The following CORO7 variants were observed in gnomAD, a reference collection of about 807,000 sequenced individuals.
CORO7 encodes coronin 7.
A neutral mutation model predicts 126.6 loss-of-function variants in CORO7; 107 were observed. That is an observed-to-expected ratio of 0.85 (90% CI 0.72 to 0.99). The LOEUF (loss-of-function observed/expected upper bound fraction) is 0.99. CORO7 is among the 50% of genes least tolerant of loss of function. The pLI is 0.00. For synonymous variants in CORO7, 603 were observed against 536.8 expected, an observed-to-expected ratio of 1.12 and a Z score of -1.70; for missense variants, 1,314 against 1,255.8, an observed-to-expected ratio of 1.05 and a Z score of -0.70.
At chr16:4,393,549 T>G (rs2141279035) in intron 7 of CORO7, among the ~76,000 whole-genome samples, 1 of 152,316 alleles carries the variant, frequency 6.6e-6, no homozygotes, top group South Asian at 2.1e-4. Context: ...AGCTGCAATC[T>G]TCCATGTGAC....
chr16:4,375,113 C>T (rs941680208), intron 9 of CORO7, among the ~76,000 whole-genome samples: 8 of 152,194 alleles, frequency 5.3e-5, no homozygotes, highest in Admixed American at 2.0e-4. Flanking sequence ...CTTGTGACTA[C>T]GATGGCACGT....
At position 4,362,120 on chromosome 16, in the gene CORO7, C is replaced by T. The variant is rs766802668; in HGVS notation, c.1443G>A (p.Leu481=). 1 of 1,612,546 alleles carries T rather than the reference C, an allele frequency of 6.2e-7. No individual in the cohort carries two copies. The highest frequency in any genetic ancestry group is 8.5e-7 in the Non-Finnish European group (1 of 1,179,788). The change falls in exon 16 of 28, where the codon CTG becomes CTA. Residue 481 remains leucine (L), a synonymous_variant. Coordinates refer to ENST00000251166, the MANE Select transcript of CORO7 (RefSeq NM_024535.5). The surrounding 1 kb of genome is among the most constrained non-coding windows in gnomAD (Gnocchi z 5.3). Reference sequence around the variant, plus strand: ...GGTTGGTGATGTGGCTGTCTCGGTGCAGGACAGTGCCCTGAGCATGGCGGA... The same window carrying T: ...GGTTGGTGATGTGGCTGTCTCGGTGTAGGACAGTGCCCTGAGCATGGCGGA... The part of the protein sequence containing the change: ...SKFRHAQGTV[L]HRDSHITNLK...
At chr16:4,389,021 A>G (rs1351595803) in intron 7 of CORO7, among the ~76,000 whole-genome samples, 8 of 152,144 alleles carry the variant, frequency 5.3e-5, no homozygotes, top group African/African-American at 2.4e-5. Flanking sequence ...ACACTCTGTC[A>G]ATGCCTCATT....
chr16:4,416,122 G>A (rs2056402464), intron 1 of CORO7, among the ~76,000 whole-genome samples: 1 of 152,116 alleles, frequency 6.6e-6, no homozygotes, highest in African/African-American at 2.4e-5. Flanking sequence ...CTCCCGGCGA[G>A]GCCGACCGGA....
intron 5 of CORO7, among the ~76,000 whole-genome samples, chr16:4,407,199 C>T (rs1323450596): frequency 4.2e-5 from 6 of 143,198 alleles, no homozygotes; most frequent in Admixed American, 2.1e-4. Flanking sequence ...CCACCTACCT[C>T]GGCCTCCCAG....
In CORO7 at chr16:4,388,550, T is replaced by C. The variant is rs750253888; in HGVS notation, c.697A>G (p.Asn233Asp). Residue 233 changes from asparagine (N) to aspartate (D), a missense_variant, in exon 8 of 28, where the codon AAC becomes GAC. Physicochemically the swap from Asn to Asp is conservative, Grantham distance 23. Transcript: ENST00000251166. Reference sequence around the variant, plus strand: ...CTCCAGGAGGAACCCCCTACCTGGTTGAATCCAGTAGACACAAGGTGCTCC... The same window carrying C: ...CTCCAGGAGGAACCCCCTACCTGGTCGAATCCAGTAGACACAAGGTGCTCC... ...TWEHLVSTGF[N>D]QMREREVKLW... The C allele has an allele frequency of 1.2e-5, 20 of 1,612,346 alleles. No individual in the cohort carries two copies. Among genetic ancestry groups the C allele is most frequent in the Non-Finnish European group, 1.7e-5 (20 of 1,179,646 alleles).
At position 4,393,630 on chromosome 16, in the gene CORO7, G is replaced by A. The variant is rs1360783631; in HGVS notation, c.615+1659C>T. 3.3e-5 allele frequency among the ~76,000 whole-genome samples: 5 copies of A among 152,172 alleles called. No homozygotes were observed. In the East Asian group the frequency reaches 9.6e-4, roughly 29 times the overall value. ...CCGGGCTACCACTAGTTTGGTTTGGGCTGGTGGTTTGCCCTTGACCCCGGG... is the reference window on the plus strand; with the variant it reads ...CCGGGCTACCACTAGTTTGGTTTGGACTGGTGGTTTGCCCTTGACCCCGGG... On this transcript the variant is annotated intron_variant, in intron 7 of 27. Coordinates refer to ENST00000251166, the MANE Select transcript of CORO7 (RefSeq NM_024535.5).
intron 6 of CORO7, among the ~76,000 whole-genome samples, chr16:4,403,728 G>A (rs1199022780): frequency 2.0e-5 from 3 of 152,134 alleles, no homozygotes; most frequent in Admixed American, 6.5e-5. Flanking sequence ...AATAGGGCTC[G>A]GACCCCCAGG....
intron 6 of CORO7, among the ~76,000 whole-genome samples, chr16:4,404,795 G>A (rs909513645): frequency 1.3e-5 from 2 of 151,970 alleles, no homozygotes; most frequent in Non-Finnish European, 2.9e-5. Flanking sequence ...CTCCCCGCAG[G>A]CTGCCACGCA....
In CORO7 at chr16:4,412,585, C is replaced by T. The variant is rs1373734443; in HGVS notation, c.158-155G>A. 9 of 727,786 alleles carry T rather than the reference C, an allele frequency of 1.2e-5. No homozygotes were observed. In the Admixed American group the frequency reaches 2.2e-4, roughly 17 times the overall value. The allele number at this position is 727,786 out of a possible 1,614,324, so 45.1% of individuals were successfully genotyped here. On this transcript the variant is annotated intron_variant, in intron 2 of 27. Transcript: ENST00000251166. ...TCATATCCTCTGCACGTAGCAATGG[C>T]CTGTGGGTAGGTTCTGGCCCCATGC...
chr16:4,395,382 G>A, intron 6 of CORO7, 43 bp from the exon 7 acceptor site: 1 of 1,613,144 alleles, frequency 6.2e-7, no homozygotes, highest in East Asian at 2.2e-5. Context: ...ATTAGGGCTG[G>A]AGGGTCCCTG....
intron 9 of CORO7, chr16:4,382,811 T>C (rs1243727993): frequency 6.3e-7 from 1 of 1,594,898 alleles, no homozygotes; most frequent in Non-Finnish European, 8.5e-7. Flanking sequence ...GGAGAGGCCC[T>C]GCCCAGCGGG....
intron 1 of CORO7, among the ~76,000 whole-genome samples, chr16:4,415,132 C>T (rs559657517): frequency 1.3e-5 from 2 of 152,200 alleles, no homozygotes; most frequent in Admixed American, 6.5e-5. Flanking sequence ...CTGGGATTAC[C>T]GTGAGTCATG....
At chr16:4,406,901 A>G (rs931492151) in intron 5 of CORO7, among the ~76,000 whole-genome samples, 8 of 152,132 alleles carry the variant, frequency 5.3e-5, no homozygotes, top group Non-Finnish European at 4.4e-5. Flanking sequence ...GGCCTCCCAA[A>G]GTGCTGGGAT....
At chr16:4,377,503 A>G (rs1177430296) in intron 9 of CORO7, among the ~76,000 whole-genome samples, 1 of 152,080 alleles carries the variant, frequency 6.6e-6, no homozygotes, top group Non-Finnish European at 1.5e-5. Context: ...AAACAGAACA[A>G]CAGAAAACTA....
rs557370085 is a variant in CORO7, at chr16:4,357,583, C to T, written c.2594-324G>A. On this transcript the variant is annotated intron_variant, in intron 25 of 27. Transcript: ENST00000251166. ...GTTGGCCAGGCTGGTCTCAAACCCC[C>T]GACCTCAGGTGATCCACTCGCCTCA... 1.8e-5 allele frequency: 6 copies of T among 329,892 alleles called. No individual in the cohort carries two copies. In the East Asian group the frequency reaches 2.0e-4, roughly 11 times the overall value. 20.4% of individuals were successfully genotyped at this position (329,892 alleles called of 1,614,324 possible). A position where few individuals can be genotyped will look rare whatever the true frequency, so the allele number is the denominator to read the frequency against.
intron 7 of CORO7, among the ~76,000 whole-genome samples, chr16:4,391,446 C>T (rs1412992114): frequency 6.6e-6 from 1 of 152,186 alleles, no homozygotes; most frequent in Non-Finnish European, 1.5e-5. Context: ...ATCCCAGCTA[C>T]TCGGGAGGCT....
chr16:4,371,026 G>A (rs114440020), intron 9 of CORO7, among the ~76,000 whole-genome samples: 3,678 of 152,292 alleles, frequency 0.024, 136 homozygotes, highest in African/African-American at 0.082. Flanking sequence ...GGACTAGTCC[G>A]GCCCCTGGCA....
intron 6 of CORO7, among the ~76,000 whole-genome samples, chr16:4,395,958 C>T (rs1202961573): frequency 6.8e-6 from 1 of 147,862 alleles, no homozygotes; most frequent in Non-Finnish European, 1.5e-5. Context: ...TTGTATAGAC[C>T]TTCTTTCTGT....
Sources: gnomAD v4.1 joint callset for allele counts (sites outside exome capture counted in the v4.1 genomes callset) on GRCh38, gnomAD v4.1.1 for gene constraint, Gnocchi (gnomAD v3.1) non-coding constraint, MANE v1.5 for transcripts, NCBI Gene and HGNC (gene_info 2026-07-23, HGNC 2026-07-21) for gene names.